Variants in SPOCK1 observed in about 807,000 individuals in gnomAD.
SPOCK1 encodes the protein SPARC (osteonectin), cwcv and kazal like domains proteoglycan 1.
A neutral mutation model predicts 55.3 loss-of-function variants in SPOCK1; 23 were observed. The ratio of observed to expected loss-of-function variants is 0.42; its 90% CI spans 0.30 to 0.59. SPOCK1 has a LOEUF of 0.59. Among genes scored for constraint, SPOCK1 ranks in the 20% least tolerant of loss-of-function variants. The pLI is 0.22. For missense variants in SPOCK1, 499 were observed against 552.5 expected, an observed-to-expected ratio of 0.90 and a Z score of 0.97; for synonymous variants, 226 against 221.0, an observed-to-expected ratio of 1.02 and a Z score of -0.20.
intron 3 of SPOCK1, among the ~76,000 whole-genome samples, chr5:137,143,025 T>G (rs1754128360): frequency 6.6e-6 from 1 of 152,192 alleles, no homozygotes; most frequent in South Asian, 2.1e-4. Context: ...CTTGAACAGC[T>G]TAGCAGGACA....
chr5:137,390,537 G>C (rs1272794249), intron 2 of SPOCK1, among the ~76,000 whole-genome samples: 1 of 152,178 alleles, frequency 6.6e-6, no homozygotes, highest in Non-Finnish European at 1.5e-5. Flanking sequence ...TATGAGAAAA[G>C]GGGACTGAGG....
Position 137,372,826 on chromosome 5 carries a change from C to T in SPOCK1, c.187-105771G>A, listed in dbSNP as rs112242330. Among the ~76,000 whole-genome samples the T allele has an allele frequency of 1.6e-3, 249 of 152,316 alleles. 1 individual carries two copies. The highest frequency in any genetic ancestry group is 5.3e-3 in the African/African-American group (220 of 41,574). ...CAGGCAAAAAAAGCCTGGAGGTGAG[C>T]GGCCACTCTCCGCCTGCATCTCATC... On this transcript the variant is annotated intron_variant, in intron 2 of 10. Transcript: ENST00000394945.
intron 2 of SPOCK1, among the ~76,000 whole-genome samples, chr5:137,384,964 G>C (rs1354381617): frequency 6.6e-6 from 1 of 152,120 alleles, no homozygotes; most frequent in Non-Finnish European, 1.5e-5. Context: ...GGATGGGGGG[G>C]GCGGTGCATA....
intron 3 of SPOCK1, among the ~76,000 whole-genome samples, chr5:137,187,768 G>A (rs535737172): frequency 2.6e-5 from 4 of 152,166 alleles, no homozygotes; most frequent in Admixed American, 6.5e-5. Flanking sequence ...ATAGTTATGT[G>A]GGAGCCTAAA....
chr5:137,060,666 G>A (rs1363743567), intron 6 of SPOCK1, among the ~76,000 whole-genome samples: 1 of 152,090 alleles, frequency 6.6e-6, no homozygotes, highest in South Asian at 2.1e-4. Context: ...GGATAAGAGT[G>A]CTGTCTGGGC....
chr5:137,063,583 A>G (rs1752438826), intron 6 of SPOCK1, among the ~76,000 whole-genome samples: 1 of 152,216 alleles, frequency 6.6e-6, no homozygotes, highest in African/African-American at 2.4e-5. Flanking sequence ...ACTGACATCC[A>G]GTGTTGACCA....
chr5:137,476,534 C>T (rs1021578458), intron 2 of SPOCK1, among the ~76,000 whole-genome samples: 1 of 152,134 alleles, frequency 6.6e-6, no homozygotes, highest in Non-Finnish European at 1.5e-5. Flanking sequence ...TTAACATTTT[C>T]TAGGGGTGTC....
intron 6 of SPOCK1, among the ~76,000 whole-genome samples, chr5:137,025,018 A>T (rs1751645236): frequency 6.6e-6 from 1 of 152,212 alleles, no homozygotes; most frequent in Non-Finnish European, 1.5e-5. Context: ...AAGGATACAT[A>T]CTGCATGATT....
At chr5:137,106,273 C>G (rs1753365894) in intron 5 of SPOCK1, among the ~76,000 whole-genome samples, 1 of 152,144 alleles carries the variant, frequency 6.6e-6, no homozygotes, top group African/African-American at 2.4e-5. Flanking sequence ...AGACTGCCCA[C>G]TTGGGTGAAG....
At chr5:137,340,424 C>A (rs2127155725) in intron 2 of SPOCK1, among the ~76,000 whole-genome samples, 1 of 152,300 alleles carries the variant, frequency 6.6e-6, no homozygotes, top group East Asian at 1.9e-4. Context: ...ATTCCTGACC[C>A]ACCCTGCCAC....
intron 2 of SPOCK1, among the ~76,000 whole-genome samples, chr5:137,366,610 T>TA (rs1751072478): frequency 6.6e-6 from 1 of 152,194 alleles, no homozygotes; most frequent in Non-Finnish European, 1.5e-5. Flanking sequence ...CACTATGGTG[T>TA]AGGACTACAT....
chr5:137,007,066 G>A (rs1580704390), intron 6 of SPOCK1, among the ~76,000 whole-genome samples: 1 of 152,150 alleles, frequency 6.6e-6, no homozygotes, highest in East Asian at 1.9e-4. Flanking sequence ...AATAAATGGT[G>A]TTGGGAAAAC....
At chr5:137,089,121 G>A (rs1753010706) in intron 5 of SPOCK1, among the ~76,000 whole-genome samples, 1 of 152,154 alleles carries the variant, frequency 6.6e-6, no homozygotes, top group Non-Finnish European at 1.5e-5. Flanking sequence ...GCAAGGGGAG[G>A]AGGAGGGGGC....
intron 3 of SPOCK1, among the ~76,000 whole-genome samples, chr5:137,226,871 A>C (rs1755956983): frequency 6.6e-6 from 1 of 152,242 alleles, no homozygotes; most frequent in African/African-American, 2.4e-5. Context: ...TTGTATTCAG[A>C]TTATAAGCTT....
chr5:137,366,042 C>T (rs1751053666), intron 2 of SPOCK1, among the ~76,000 whole-genome samples: 1 of 152,184 alleles, frequency 6.6e-6, no homozygotes, highest in South Asian at 2.1e-4. Flanking sequence ...GACTCCCAAC[C>T]AGTGCCATGG....
chr5:137,082,996 T>C (rs1752900256), intron 5 of SPOCK1, among the ~76,000 whole-genome samples: 1 of 152,152 alleles, frequency 6.6e-6, no homozygotes. Context: ...TCTAACATAA[T>C]CTGTGTTTCA....
intron 3 of SPOCK1, among the ~76,000 whole-genome samples, chr5:137,220,700 G>T (rs1290277561): frequency 6.6e-6 from 1 of 152,176 alleles, no homozygotes; most frequent in South Asian, 2.1e-4. Context: ...TGTTTCGTCA[G>T]CACCTTAGAT....
intron 3 of SPOCK1, among the ~76,000 whole-genome samples, chr5:137,218,402 G>A (rs17171093): frequency 0.044 from 6,767 of 152,278 alleles, 495 homozygotes; most frequent in African/African-American, 0.15. Context: ...CTAACACATG[G>A]TTCTTGGACA....
At chr5:137,031,390 A>G (rs894493440) in intron 6 of SPOCK1, among the ~76,000 whole-genome samples, 3 of 152,242 alleles carry the variant, frequency 2.0e-5, no homozygotes, top group Non-Finnish European at 4.4e-5. Context: ...GACTTCAAAA[A>G]CAGCAAATGT....
Sources: allele counts gnomAD v4.1 joint callset (sites outside exome capture counted in the v4.1 genomes callset), GRCh38; gene constraint gnomAD v4.1.1; transcripts MANE v1.5; gene names NCBI Gene and HGNC (gene_info 2026-07-23, HGNC 2026-07-21).